WDR72: variants seen among roughly 807,000 people sequenced by gnomAD.
The protein encoded by WDR72 is WD repeat-containing protein 72.
Under a neutral mutation model 124.2 loss-of-function variants are expected in WDR72, and 120 were observed. That is an observed-to-expected ratio of 0.97 (90% CI 0.83 to 1.12). The LOEUF (loss-of-function observed/expected upper bound fraction) is 1.12. WDR72 is among the 50% of genes most tolerant of loss of function. The pLI is 0.00. For missense variants in WDR72, 1,387 were observed against 1,278.8 expected (o/e 1.08, Z -1.29); for synonymous variants, 452 against 441.7 (o/e 1.02, Z -0.29).
upstream of WDR72, among the ~76,000 whole-genome samples, chr15:53,760,279 G>GT (rs2019037083): frequency 1.3e-5 from 2 of 151,750 alleles, no homozygotes; most frequent in South Asian, 2.1e-4. Context: ...CATTCTTTCT[G>GT]TTTTTTCTAC....
chr15:53,728,448 TCA>T (rs2018106237), intron 2 of WDR72, among the ~76,000 whole-genome samples: 1 of 152,058 alleles, frequency 6.6e-6, no homozygotes, highest in African/African-American at 2.4e-5. Flanking sequence ...AAAAACACAA[TCA>T]CAGAGTAGTG....
At chr15:53,757,977 TTCTCTCTCTCTCTCTC>T (rs5812712) in intron 1 of WDR72, among the ~76,000 whole-genome samples, 1 of 148,664 alleles carries the variant, frequency 6.7e-6, no homozygotes, top group East Asian at 2.0e-4. Flanking sequence ...AGAGTTTATT[TTCTCTCTCTCTCTCTC>T]TCTCTCTCTC....
chr15:53,619,176 C>T (rs2013887672), intron 14 of WDR72, among the ~76,000 whole-genome samples: 1 of 151,720 alleles, frequency 6.6e-6, no homozygotes, highest in African/African-American at 2.4e-5. Context: ...TACTTTGCAT[C>T]TGTAATTAAA....
chr15:53,608,369 A>T (rs563211821), intron 17 of WDR72, among the ~76,000 whole-genome samples: 2 of 152,334 alleles, frequency 1.3e-5, no homozygotes, highest in South Asian at 4.1e-4. Flanking sequence ...CATTTGCAAC[A>T]TCATGGATAA....
At chr15:53,601,508 A>C (rs1044597862) in intron 17 of WDR72, among the ~76,000 whole-genome samples, 1 of 152,164 alleles carries the variant, frequency 6.6e-6, no homozygotes, top group Non-Finnish European at 1.5e-5. Flanking sequence ...CACACATATC[A>C]ATACTAACCT....
chr15:53,586,657 A>C (rs867033643), intron 18 of WDR72, among the ~76,000 whole-genome samples: 1 of 152,074 alleles, frequency 6.6e-6, no homozygotes, highest in Non-Finnish European at 1.5e-5. Flanking sequence ...TCATTTAATC[A>C]GCCAGCAATA....
chr15:53,718,509 T>C (rs2017775755), intron 3 of WDR72, among the ~76,000 whole-genome samples: 1 of 152,034 alleles, frequency 6.6e-6, no homozygotes, highest in South Asian at 2.1e-4. Context: ...TGAAAATATA[T>C]CACAAAGCAA....
chr15:53,546,313 A>C (rs1240573719), intron 18 of WDR72, among the ~76,000 whole-genome samples: 1 of 152,078 alleles, frequency 6.6e-6, no homozygotes, highest in Admixed American at 6.5e-5. Flanking sequence ...GCACATATAC[A>C]CCATGGAATA....
At chr15:53,637,307 CACA>C (rs1465071046) in intron 14 of WDR72, among the ~76,000 whole-genome samples, 1 of 152,112 alleles carries the variant, frequency 6.6e-6, no homozygotes, top group African/African-American at 2.4e-5. Context: ...CCTTATTTTG[CACA>C]ACGTTTCTCT....
intron 14 of WDR72, among the ~76,000 whole-genome samples, chr15:53,644,121 C>A (rs1312541403): frequency 6.6e-6 from 1 of 152,024 alleles, no homozygotes; most frequent in Admixed American, 6.6e-5. Context: ...ATCAAGTGAT[C>A]CTTGAGTAAA....
intron 18 of WDR72, among the ~76,000 whole-genome samples, chr15:53,596,764 G>A (rs2012793997): frequency 6.6e-6 from 1 of 152,048 alleles, no homozygotes; most frequent in Admixed American, 6.6e-5. Context: ...AGCAGAATAG[G>A]TCAGAAACAG....
At chr15:53,697,815 A>T (rs1340123606) in intron 13 of WDR72, among the ~76,000 whole-genome samples, 2 of 152,042 alleles carry the variant, frequency 1.3e-5, no homozygotes, top group Admixed American at 6.6e-5. Context: ...TATTATTATT[A>T]TTTTTTTGTT....
chr15:53,603,657 T>C (rs982773069), intron 17 of WDR72, among the ~76,000 whole-genome samples: 2 of 152,122 alleles, frequency 1.3e-5, no homozygotes, highest in African/African-American at 4.8e-5. Flanking sequence ...ACAAAATCAA[T>C]GTGCAAAAAT....
chr15:53,584,887 G>A (rs1418695603), intron 18 of WDR72, among the ~76,000 whole-genome samples: 4 of 151,950 alleles, frequency 2.6e-5, no homozygotes, highest in Non-Finnish European at 5.9e-5. Flanking sequence ...ACTAGTGTCA[G>A]TTGGGTCTCA....
chr15:53,534,021 T>C (rs1029629792), intron 18 of WDR72, among the ~76,000 whole-genome samples: 9 of 152,186 alleles, frequency 5.9e-5, no homozygotes, highest in South Asian at 2.1e-4. Context: ...TTTTGAGACT[T>C]TGAGGCTGAT....
At position 53,546,127 on chromosome 15, in the gene WDR72, C is replaced by T. The variant is rs897024777; in HGVS notation, c.3149-22805G>A. 2.3e-4 allele frequency among the ~76,000 whole-genome samples: 33 copies of T among 141,442 alleles called. 1 individual carries two copies. The highest frequency in any genetic ancestry group is 8.1e-4 in the African/African-American group (30 of 36,832). The allele number at this position is 141,442 out of a possible 152,430, so 92.8% of individuals were successfully genotyped here. ...GTGGCGATTCCTCAGGGATCTAGAA[C>T]TAGAAATACCATTTGACCCAGCCAT... On this transcript the variant is annotated intron_variant, in intron 18 of 19. Transcript: ENST00000360509.
At position 53,659,721 on chromosome 15, in the gene WDR72, G is replaced by T. The variant is rs926767616; in HGVS notation, c.1962+5851C>A. 2.6e-5 allele frequency among the ~76,000 whole-genome samples: 4 copies of T among 151,534 alleles called. No homozygotes were observed. In the East Asian group the frequency reaches 7.7e-4, roughly 29 times the overall value. On this transcript the variant is annotated intron_variant, in intron 14 of 19. Transcript: ENST00000360509. ...CAGTTATAAAAAAAAAAAAGGATTA[G>T]ATATTACAGAAATTTTTATTTAACT...
At chr15:53,657,647 G>C (rs1184801026) in intron 14 of WDR72, among the ~76,000 whole-genome samples, 1 of 152,136 alleles carries the variant, frequency 6.6e-6, no homozygotes, top group Non-Finnish European at 1.5e-5. Flanking sequence ...TGTAGGGGGA[G>C]AGAAACTGAA....
Position 53,636,068 on chromosome 15 carries a change from T to A in WDR72, c.1963-19825A>T, listed in dbSNP as rs1230670693. ...ATTTTTCTTTTATTGCTTCAGTGCA[T>A]CCACTGATGCTGCTTGGTTTTATGC... On this transcript the variant is annotated intron_variant, in intron 14 of 19. Transcript: ENST00000360509. Among the ~76,000 whole-genome samples the A allele has an allele frequency of 2.6e-5, 4 of 152,316 alleles. No individual in the cohort carries two copies. In the East Asian group the frequency reaches 7.7e-4, roughly 29 times the overall value.
Sources: allele counts gnomAD v4.1 joint callset (sites outside exome capture counted in the v4.1 genomes callset), GRCh38; gene constraint gnomAD v4.1.1; transcripts MANE v1.5; gene names NCBI Gene and HGNC (gene_info 2026-07-23, HGNC 2026-07-21).